Variants in CDK17 observed in about 807,000 individuals in gnomAD.
CDK17 encodes the protein cyclin dependent kinase 17.
In CDK17, 24 loss-of-function variants were observed where a neutral mutation model predicts 77.6. The observed-to-expected ratio is 0.31, with a 90% CI of 0.22 to 0.44. The LOEUF is 0.44. Among genes scored for constraint, CDK17 ranks in the 20% least tolerant of loss-of-function variants. CDK17 has a pLI of 1.00. For missense variants in CDK17, 429 were observed against 622.5 expected (o/e 0.69, Z 3.31); for synonymous variants, 203 against 210.4 (o/e 0.96, Z 0.30).
At chr12:96,362,140 T>C (rs944009660) in intron 1 of CDK17, among the ~76,000 whole-genome samples, 2 of 152,212 alleles carry the variant, frequency 1.3e-5, no homozygotes, top group African/African-American at 4.8e-5. Context: ...TGACTTCATG[T>C]GTCCTTTCAT....
intron 5 of CDK17, among the ~76,000 whole-genome samples, chr12:96,309,080 T>C (rs974327652): frequency 6.6e-6 from 1 of 152,206 alleles, no homozygotes; most frequent in Non-Finnish European, 1.5e-5. Context: ...TCTCATTACA[T>C]GGGAAGAAGT....
At chr12:96,327,400 TGAAGATGGAGG>T (rs1264020652) in intron 2 of CDK17, among the ~76,000 whole-genome samples, 5 of 152,192 alleles carry the variant, frequency 3.3e-5, no homozygotes, top group African/African-American at 1.2e-4. Flanking sequence ...GTGGCTGTAC[TGAAGATGGAGG>T]GAAGCAGGCA....
chr12:96,386,492 C>T (rs1029535054), intron 1 of CDK17, among the ~76,000 whole-genome samples: 2 of 151,942 alleles, frequency 1.3e-5, no homozygotes, highest in Non-Finnish European at 2.9e-5. Flanking sequence ...CTACTCTCCA[C>T]AAAAATCTTT....
chr12:96,358,581 G>T (rs1490437058), intron 1 of CDK17, among the ~76,000 whole-genome samples: 1 of 152,092 alleles, frequency 6.6e-6, no homozygotes, highest in Admixed American at 6.5e-5. Context: ...CAGCACTTTG[G>T]AAGGCTGAGG....
At chr12:96,295,165 A>G in intron 9 of CDK17, 43 bp from the exon 10 acceptor site, 1 of 1,487,016 alleles carries the variant, frequency 6.7e-7, no homozygotes, top group Non-Finnish European at 9.2e-7. Flanking sequence ...AAGATGAGAC[A>G]TGCTTTAGTA....
At position 96,377,884 on chromosome 12, in the gene CDK17, A is replaced by G. The variant is rs376583143; in HGVS notation, c.-30+22102T>C. Reference sequence around the variant, plus strand: ...AATTTTTTGTATTTTTAGTAGAGACAGGGTTTCACCGTGTTAGCCAGGATG... The same window carrying G: ...AATTTTTTGTATTTTTAGTAGAGACGGGGTTTCACCGTGTTAGCCAGGATG... On this transcript the variant is annotated intron_variant, in intron 1 of 16. Transcript: ENST00000261211. 2.8e-3 allele frequency among the ~76,000 whole-genome samples: 423 copies of G among 152,126 alleles called. 1 individual carries two copies. The highest frequency in any genetic ancestry group is 0.012 in the East Asian group (64 of 5,176).
chr12:96,310,812 T>A (rs753708308), intron 5 of CDK17, among the ~76,000 whole-genome samples: 1 of 150,810 alleles, frequency 6.6e-6, no homozygotes, highest in Non-Finnish European at 1.5e-5. Context: ...CATGTATTAA[T>A]AACATTTACC....
intron 1 of CDK17, among the ~76,000 whole-genome samples, chr12:96,381,639 TAAG>T (rs1953884529): frequency 6.6e-6 from 1 of 151,688 alleles, no homozygotes; most frequent in Non-Finnish European, 1.5e-5. Context: ...AATACATATA[TAAG>T]AATATCAAAA....
At chr12:96,398,134 C>G (rs1954201796) in intron 1 of CDK17, among the ~76,000 whole-genome samples, 1 of 117,124 alleles carries the variant, frequency 8.5e-6, no homozygotes, top group Non-Finnish European at 1.7e-5. Context: ...TTCAAAGACT[C>G]CCGTTTTTTT....
chr12:96,350,558 G>A (rs1010707666), intron 1 of CDK17, among the ~76,000 whole-genome samples: 1 of 152,032 alleles, frequency 6.6e-6, no homozygotes, highest in African/African-American at 2.4e-5. Flanking sequence ...ATAGAATTGA[G>A]AACCCAAACA....
At chr12:96,345,658 CAG>C (rs1466169062) in intron 1 of CDK17, among the ~76,000 whole-genome samples, 3 of 152,078 alleles carry the variant, frequency 2.0e-5, no homozygotes, top group Admixed American at 6.5e-5. Flanking sequence ...AGGGAAGAGA[CAG>C]AGATATACAG....
intron 1 of CDK17, among the ~76,000 whole-genome samples, chr12:96,393,767 G>A (rs981866852): frequency 3.3e-5 from 5 of 151,448 alleles, no homozygotes; most frequent in Non-Finnish European, 7.4e-5. Context: ...CATACTCAAT[G>A]AAAAGCTTCT....
chr12:96,287,833 C>A (rs1952266487), intron 11 of CDK17, among the ~76,000 whole-genome samples: 1 of 152,098 alleles, frequency 6.6e-6, no homozygotes, highest in Non-Finnish European at 1.5e-5. Flanking sequence ...TATTTTTAGC[C>A]TTAAAAAGGA....
intron 1 of CDK17, among the ~76,000 whole-genome samples, chr12:96,365,156 G>A (rs1953562680): frequency 6.6e-6 from 1 of 152,074 alleles, no homozygotes; most frequent in Admixed American, 6.6e-5. Flanking sequence ...TCTCAAAGAT[G>A]AGATATTTGA....
intron 1 of CDK17, among the ~76,000 whole-genome samples, chr12:96,349,451 C>T (rs1028989036): frequency 2.7e-5 from 4 of 147,264 alleles, no homozygotes; most frequent in Admixed American, 1.4e-4. Flanking sequence ...AAAACCCTGT[C>T]TCAAAAAAAA....
intron 1 of CDK17, among the ~76,000 whole-genome samples, chr12:96,398,595 T>C (rs1387786246): frequency 2.0e-5 from 3 of 152,226 alleles, no homozygotes; most frequent in African/African-American, 7.2e-5. Flanking sequence ...TGCTGTGATC[T>C]TCTCACACGA....
intron 1 of CDK17, among the ~76,000 whole-genome samples, chr12:96,371,874 C>T (rs1421890686): frequency 6.6e-6 from 1 of 152,140 alleles, no homozygotes; most frequent in Admixed American, 6.5e-5. Flanking sequence ...CACAAAATCA[C>T]CTACTTTCTA....
chr12:96,367,086 T>C (rs1049722918), intron 1 of CDK17, among the ~76,000 whole-genome samples: 1 of 152,066 alleles, frequency 6.6e-6, no homozygotes, highest in African/African-American at 2.4e-5. Flanking sequence ...GGCTCACGTC[T>C]GTAATCCCAG....
At chr12:96,366,762 T>C (rs528321567) in intron 1 of CDK17, among the ~76,000 whole-genome samples, 5 of 152,318 alleles carry the variant, frequency 3.3e-5, no homozygotes, top group Admixed American at 6.5e-5. Flanking sequence ...TATAGATAGC[T>C]CAATACCATC....
Sources: allele counts gnomAD v4.1 joint callset (sites outside exome capture counted in the v4.1 genomes callset), GRCh38; gene constraint gnomAD v4.1.1; transcripts MANE v1.5; gene names NCBI Gene and HGNC (gene_info 2026-07-23, HGNC 2026-07-21).